The following RAB9B variants were observed in gnomAD, a reference collection of about 807,000 sequenced individuals.
RAB9B encodes RAB9B, member RAS oncogene family.
In RAB9B, 1 loss-of-function variant was observed where a neutral mutation model predicts 8.9. That is an observed-to-expected ratio of 0.11 (90% CI 0.04 to 0.53). The LOEUF is 0.53. RAB9B is among the 20% of genes least tolerant of loss of function. The pLI is 0.93. For missense variants in RAB9B, 82 were observed against 152.9 expected, an observed-to-expected ratio of 0.54 and a Z score of 2.45; for synonymous variants, 63 against 57.0, an observed-to-expected ratio of 1.10 and a Z score of -0.47.
At chrX:103,805,997 A>G in the RAB9B span, among the ~76,000 whole-genome samples, 1 of 111,319 alleles carries the variant, frequency 9.0e-6, no homozygotes, top group Non-Finnish European at 1.9e-5. Context: ...CTAGAGTACA[A>G]TGGTGCAATC....
chrX:103,827,420 G>C (rs1470308670), intron 1 of RAB9B, among the ~76,000 whole-genome samples: 2 of 111,421 alleles, frequency 1.8e-5, no homozygotes, highest in Non-Finnish European at 3.8e-5. Context: ...GGAAAGTACA[G>C]AGCAATCTAA....
chrX:103,813,477 T>A, the RAB9B span, among the ~76,000 whole-genome samples: 1 of 106,815 alleles, frequency 9.4e-6, no homozygotes, highest in East Asian at 3.0e-4. Flanking sequence ...TGTTCGTTTG[T>A]TTTTGAGACA....
chrX:103,783,223 T>C, the RAB9B span, among the ~76,000 whole-genome samples: 2 of 112,329 alleles, frequency 1.8e-5, no homozygotes, highest in Non-Finnish European at 1.9e-5. Context: ...TTTGTACACA[T>C]GCATGCATGT....
chrX:103,801,456 C>T, the RAB9B span, among the ~76,000 whole-genome samples: 1 of 111,399 alleles, frequency 9.0e-6, no homozygotes, highest in Non-Finnish European at 1.9e-5. Context: ...CTCTGTCCAC[C>T]TTACTGAGTG....
the RAB9B span, among the ~76,000 whole-genome samples, chrX:103,783,952 T>C: frequency 8.9e-6 from 1 of 112,229 alleles, no homozygotes; most frequent in Non-Finnish European, 1.9e-5. Flanking sequence ...CATATATTTA[T>C]ATATATACAT....
the RAB9B span, chrX:103,789,297 G>C: frequency 3.8e-6 from 4 of 1,057,336 alleles, no homozygotes; most frequent in Non-Finnish European, 5.3e-6. Flanking sequence ...TACTGCTGTT[G>C]CAAGAAACAG....
chrX:103,818,694 T>C (rs1461176590), downstream of RAB9B, among the ~76,000 whole-genome samples: 2 of 111,705 alleles, frequency 1.8e-5, no homozygotes, highest in Non-Finnish European at 3.8e-5. Flanking sequence ...AGATATATAT[T>C]AAGTAAAAAA....
the RAB9B span, chrX:103,789,448 T>C: frequency 1.1e-6 from 1 of 921,324 alleles, no homozygotes; most frequent in Non-Finnish European, 1.6e-6. Context: ...TGAGATAGTG[T>C]GGGTACAGCT....
the RAB9B span, among the ~76,000 whole-genome samples, chrX:103,794,841 A>G: frequency 8.9e-6 from 1 of 111,954 alleles, no homozygotes; most frequent in African/African-American, 3.2e-5. Context: ...AAAGACGCAA[A>G]CATACTCTTC....
the RAB9B span, chrX:103,787,897 C>A: frequency 8.3e-7 from 1 of 1,206,871 alleles, no homozygotes. Flanking sequence ...GACCACCTGC[C>A]AGTCTATTGC....
chrX:103,831,908 G>C (rs1231703859), intron 1 of RAB9B, among the ~76,000 whole-genome samples, 152 bp downstream of exon 1: 1 of 110,887 alleles, frequency 9.0e-6, no homozygotes, highest in Non-Finnish European at 1.9e-5. Flanking sequence ...CTCCGACCTC[G>C]GGAGCGGCTC....
chrX:103,792,423 C>A, the RAB9B span: 3 of 112,389 alleles, frequency 2.7e-5, no homozygotes, highest in South Asian at 1.1e-3. Context: ...ATAACCAACC[C>A]TTCCCTGAAA....
downstream of RAB9B, among the ~76,000 whole-genome samples, chrX:103,821,756 A>T (rs1292490350): frequency 9.0e-6 from 1 of 111,665 alleles, no homozygotes; most frequent in Non-Finnish European, 1.9e-5. Flanking sequence ...CTTATTTTTT[A>T]TGCAACGTTG....
At chrX:103,782,561 C>T in the RAB9B span, among the ~76,000 whole-genome samples, 4 of 111,952 alleles carry the variant, frequency 3.6e-5, no homozygotes, top group Non-Finnish European at 7.5e-5. Context: ...TCCCTCTCAT[C>T]TTTGCAACCC....
chrX:103,819,927 AC>A (rs1156706060), downstream of RAB9B, among the ~76,000 whole-genome samples: 3 of 112,134 alleles, frequency 2.7e-5, no homozygotes, highest in Admixed American at 1.9e-4. Context: ...TGAAATCCTA[AC>A]CCCCCAAGGT....
intron 1 of RAB9B, among the ~76,000 whole-genome samples, chrX:103,830,593 A>G (rs190861526): frequency 1.9e-4 from 21 of 111,472 alleles, no homozygotes; most frequent in African/African-American, 6.9e-4. Context: ...GCATGCTCTA[A>G]GGATAGTTTA....
chrX:103,807,864 A>G, the RAB9B span, among the ~76,000 whole-genome samples: 1 of 112,029 alleles, frequency 8.9e-6, no homozygotes, highest in Non-Finnish European at 1.9e-5. Flanking sequence ...CTGTGGTCAA[A>G]CCCAGAGGCC....
At chrX:103,797,830 T>C in the RAB9B span, among the ~76,000 whole-genome samples, 1 of 111,801 alleles carries the variant, frequency 8.9e-6, no homozygotes, top group East Asian at 2.8e-4. Context: ...AAAAACTCCA[T>C]TGAGAGAAGC....
chrX:103,800,565 T>G, the RAB9B span, among the ~76,000 whole-genome samples: 2 of 111,784 alleles, frequency 1.8e-5, no homozygotes, highest in Non-Finnish European at 3.8e-5. Context: ...CGTAAAACAC[T>G]GGACTTAGAT....
Sources: gnomAD v4.1 joint callset for allele counts (sites outside exome capture counted in the v4.1 genomes callset) on GRCh38, gnomAD v4.1.1 for gene constraint, MANE v1.5 for transcripts, NCBI Gene and HGNC (gene_info 2026-07-23, HGNC 2026-07-21) for gene names.